Variants in IDH3A observed in about 807,000 individuals in gnomAD.
The protein encoded by IDH3A is isocitrate dehydrogenase (NAD(+)) 3 catalytic subunit alpha.
In IDH3A, 23 loss-of-function variants were observed where a neutral mutation model predicts 43.3. The observed-to-expected ratio is 0.53, with a 90% CI of 0.38 to 0.75. The LOEUF is 0.75. Ranked by LOEUF, IDH3A falls within the 30% of genes least tolerant of loss-of-function variation. IDH3A has a pLI of 0.00. For synonymous variants in IDH3A, 154 were observed against 163.5 expected (o/e 0.94, Z 0.44); for missense variants, 329 against 474.4 (o/e 0.69, Z 2.85).
chr15:78,168,911 C>T lies in IDH3A; in HGVS notation c.1018-11C>T, dbSNP rs2141308033. ...GATACATCTTTTATTTTTGCTTTTT[C>T]CTTTTCTCAGAGCTTGACAAAAGAT... On this transcript the variant is annotated splice_polypyrimidine_tract_variant and intron_variant, in intron 10 of 10. Coordinates refer to ENST00000299518, the MANE Select transcript of IDH3A (RefSeq NM_005530.3). 6.4e-7 allele frequency: 1 copy of T among 1,568,458 alleles called. No homozygotes were observed.
intron 8 of IDH3A, among the ~76,000 whole-genome samples, chr15:78,164,120 TG>T (rs1475838525): frequency 6.6e-6 from 1 of 152,220 alleles, no homozygotes; most frequent in Non-Finnish European, 1.5e-5. Flanking sequence ...TGGTAACTTT[TG>T]ACATAATTTC....
chr15:78,153,118 T>G (rs953365243), intron 1 of IDH3A, among the ~76,000 whole-genome samples: 1 of 152,118 alleles, frequency 6.6e-6, no homozygotes, highest in Non-Finnish European at 1.5e-5. Flanking sequence ...CTTTCTTTTT[T>G]TCTTTTTTTT....
intron 9 of IDH3A, 157 bp from the exon 10 acceptor site, chr15:78,165,993 C>A: frequency 2.9e-6 from 2 of 680,240 alleles, no homozygotes; most frequent in Non-Finnish European, 5.0e-6. Flanking sequence ...CCAACCCAGA[C>A]TTTATTTCTT....
At position 78,166,170 on chromosome 15, in the gene IDH3A, C is replaced by T. The variant is rs1261764640; in HGVS notation, c.885C>T (p.Asp295=). The T allele has an allele frequency of 6.2e-7, 1 of 1,614,172 alleles. No homozygotes were observed. The highest frequency in any genetic ancestry group is 8.5e-7 in the Non-Finnish European group (1 of 1,179,998). The change falls in exon 10 of 11, where the codon GAC becomes GAT. Residue 295 remains aspartate, a synonymous_variant. Transcript: ENST00000299518. ...IFESVHGTAP[D]IAGKDMANPT... ...TGTAGGTTCATGGGACGGCTCCAGA[C>T]ATTGCAGGCAAGGACATGGCGAATC...
intron 6 of IDH3A, 138 bp downstream of exon 6, chr15:78,162,505 C>A: frequency 1.2e-6 from 1 of 815,234 alleles, no homozygotes; most frequent in Non-Finnish European, 1.9e-6. Flanking sequence ...TCCAAAGATA[C>A]GGCATCTCTC....
In IDH3A at chr15:78,171,367, T is replaced by C. The variant is rs2074819062; in HGVS notation, c.*2362T>C. The C allele has an allele frequency of 1.6e-6, 2 of 1,262,922 alleles. No homozygotes were observed. The highest frequency in any genetic ancestry group is 1.5e-5 in the African/African-American group (1 of 66,988). The allele number at this position is 1,262,922 out of a possible 1,614,324, so 78.2% of individuals were successfully genotyped here. On this transcript the variant is annotated 3_prime_UTR_variant, in exon 11 of 11. Coordinates refer to ENST00000299518, the MANE Select transcript of IDH3A (RefSeq NM_005530.3). ...TTGGCAGAAATGCCTGTGCCCAGACTGAAGAGACCTGGGGCTCAGGAAGAG... is the reference window on the plus strand; with the variant it reads ...TTGGCAGAAATGCCTGTGCCCAGACCGAAGAGACCTGGGGCTCAGGAAGAG...
chr15:78,154,973 C>T (rs1392235328), intron 1 of IDH3A, among the ~76,000 whole-genome samples: 2 of 152,104 alleles, frequency 1.3e-5, no homozygotes, highest in African/African-American at 4.8e-5. Flanking sequence ...AACTTATATT[C>T]GTTAAATTGA....
Position 78,163,715 on chromosome 15 carries a change from G to C in IDH3A, c.715-1G>C, listed in dbSNP as rs2141299875. 6.2e-7 allele frequency: 1 copy of C among 1,610,422 alleles called. No individual in the cohort carries two copies. The highest frequency in any genetic ancestry group is 8.5e-7 in the Non-Finnish European group (1 of 1,176,686). On this transcript the variant is annotated splice_acceptor_variant, in intron 7 of 10. Coordinates refer to ENST00000299518, the MANE Select transcript of IDH3A (RefSeq NM_005530.3). LOFTEE classifies it high-confidence loss of function. ...TAAATGCACAAATGTATTCCTTGTA[G>C]ATGGTACAAGATCCTTCCCAATTTG...
At chr15:78,154,074 ATT>A (rs1294541930) in intron 1 of IDH3A, among the ~76,000 whole-genome samples, 2 of 151,204 alleles carry the variant, frequency 1.3e-5, no homozygotes, top group Non-Finnish European at 3.0e-5. Context: ...CTTTTTTTAT[ATT>A]GTTTATAATA....
Position 78,171,619 on chromosome 15 carries a change from A to G in IDH3A, c.*2614A>G. The G allele has an allele frequency of 9.3e-7, 1 of 1,075,174 alleles. No homozygotes were observed. The highest frequency in any genetic ancestry group is 1.4e-6 in the Non-Finnish European group (1 of 710,944). The allele number at this position is 1,075,174 out of a possible 1,614,324, so 66.6% of individuals were successfully genotyped here. On this transcript the variant is annotated 3_prime_UTR_variant, in exon 11 of 11. Coordinates refer to ENST00000299518, the MANE Select transcript of IDH3A (RefSeq NM_005530.3). ...TAAAGACTCACACTCAGTCCTATATATAACTCAGGAATTAAGCCAGATAAT... is the reference window on the plus strand; with the variant it reads ...TAAAGACTCACACTCAGTCCTATATGTAACTCAGGAATTAAGCCAGATAAT...
chr15:78,156,919 C>T (rs1672196132), intron 2 of IDH3A: 1 of 1,351,824 alleles, frequency 7.4e-7, no homozygotes, highest in Non-Finnish European at 9.8e-7. Context: ...TCAACTTTGC[C>T]AAGCTTATGT....
intron 10 of IDH3A, 186 bp downstream of exon 10, chr15:78,166,488 G>A (rs113819475): frequency 0.018 from 11,419 of 641,952 alleles, 159 homozygotes; most frequent in South Asian, 0.036. Context: ...CATTTTCTGA[G>A]GTGAGGATCT....
intron 2 of IDH3A, chr15:78,156,796 T>C: frequency 1.2e-6 from 1 of 821,010 alleles, no homozygotes; most frequent in South Asian, 1.5e-5. Context: ...TCGTTTTGCC[T>C]GAAGCCTTAG....
chr15:78,169,264 A>G lies in IDH3A; in HGVS notation c.*259A>G, dbSNP rs2074790163. On this transcript the variant is annotated 3_prime_UTR_variant, in exon 11 of 11. Transcript: ENST00000299518. ...TGTTTTTTTTGTAAACTCTGAGTGG[A>G]CTGTATCATTTGCTATTCTAAACCA... 2 of 293,474 alleles carry G rather than the reference A, an allele frequency of 6.8e-6. No individual in the cohort carries two copies. The highest frequency in any genetic ancestry group is 1.9e-3 in the Middle Eastern group (2 of 1,056). 18.2% of individuals were successfully genotyped at this position (293,474 alleles called of 1,614,324 possible).
chr15:78,160,174 A>G lies in IDH3A; in HGVS notation c.257A>G (p.Glu86Gly). The change falls in exon 4 of 11, where the codon GAG becomes GGG. Residue 86 changes from glutamate (E) to glycine (G), a missense_variant. Coordinates refer to ENST00000299518, the MANE Select transcript of IDH3A (RefSeq NM_005530.3). Reference sequence around the variant, plus strand: ...TGGATGATCCCTTCAGAGGCTAAAGAGTCCATGGATAAGAACAAGATGGGC... The same window carrying G: ...TGGATGATCCCTTCAGAGGCTAAAGGGTCCATGGATAAGAACAAGATGGGC... ...GKWMIPSEAK[E>G]SMDKNKMGLK... 1 of 1,611,488 alleles carries G rather than the reference A, an allele frequency of 6.2e-7. No homozygotes were observed. The highest frequency in any genetic ancestry group is 1.7e-5 in the Admixed American group (1 of 60,022).
chr15:78,161,842 C>A lies in IDH3A; in HGVS notation c.477+74C>A. Reference sequence around the variant, plus strand: ...TGCATCTGGGACCCCAGAGACAGATCTGCTTTATCTCTGTGAGGAGTTGTG... The same window carrying A: ...TGCATCTGGGACCCCAGAGACAGATATGCTTTATCTCTGTGAGGAGTTGTG... On this transcript the variant is annotated intron_variant, in intron 5 of 10. Transcript: ENST00000299518. The surrounding 1 kb of genome is among the most constrained non-coding windows in gnomAD (Gnocchi z 4.8). The A allele has an allele frequency of 7.8e-7, 1 of 1,284,412 alleles. No individual in the cohort carries two copies. The highest frequency in any genetic ancestry group is 1.1e-6 in the Non-Finnish European group (1 of 896,400). 79.6% of individuals were successfully genotyped at this position (1,284,412 alleles called of 1,614,324 possible). A position where few individuals can be genotyped will look rare whatever the true frequency, so the allele number is the denominator to read the frequency against.
At chr15:78,166,358 T>A (rs1332417316) in intron 10 of IDH3A, 56 bp downstream of exon 10, 2 of 1,553,532 alleles carry the variant, frequency 1.3e-6, no homozygotes, top group East Asian at 4.5e-5. Flanking sequence ...TCCATGTGTT[T>A]TATCTGAGTG....
intron 10 of IDH3A, among the ~76,000 whole-genome samples, chr15:78,167,168 A>G (rs2074753715): frequency 6.6e-6 from 1 of 152,256 alleles, no homozygotes; most frequent in Non-Finnish European, 1.5e-5. Flanking sequence ...AGTAATAACT[A>G]ATATTAATTG....
chr15:78,160,636 T>G (rs1039433891), intron 4 of IDH3A, among the ~76,000 whole-genome samples: 12 of 151,572 alleles, frequency 7.9e-5, no homozygotes, highest in African/African-American at 2.9e-4. Flanking sequence ...GGACTACAGG[T>G]GTGCCACCAT....
Sources: gnomAD v4.1 joint callset for allele counts (sites outside exome capture counted in the v4.1 genomes callset) on GRCh38, gnomAD v4.1.1 for gene constraint, Gnocchi (gnomAD v3.1) non-coding constraint, MANE v1.5 for transcripts, NCBI Gene and HGNC (gene_info 2026-07-23, HGNC 2026-07-21) for gene names.